Variants in LRCH4 observed in about 807,000 individuals in gnomAD.
The protein encoded by LRCH4 is leucine rich repeats and calponin homology domain containing 4, also known as leucine-rich repeat and calponin homology domain-containing protein 4.
LRCH4 carries 56 observed loss-of-function variants against 81.2 expected under a neutral mutation model. The ratio of observed to expected loss-of-function variants is 0.69; its 90% CI spans 0.56 to 0.86. The LOEUF (loss-of-function observed/expected upper bound fraction) is 0.86. LRCH4 is among the 40% of genes least tolerant of loss of function. The pLI, the probability that LRCH4 is intolerant of heterozygous loss-of-function variation, is 0.00. For missense variants in LRCH4, 895 were observed against 922.8 expected (o/e 0.97, Z 0.39); for synonymous variants, 442 against 409.7 (o/e 1.08, Z -0.95).
Position 100,578,042 on chromosome 7 carries a change from G to A in LRCH4, c.948+117C>T. ...CCCTTCCCTGGGATGCTGGGCAGAGGGAAGGAAGAGGACAGCTCCAGCCTC... is the reference window on the plus strand; with the variant it reads ...CCCTTCCCTGGGATGCTGGGCAGAGAGAAGGAAGAGGACAGCTCCAGCCTC... On this transcript the variant is annotated intron_variant, in intron 7 of 17. Coordinates refer to ENST00000310300, the MANE Select transcript of LRCH4 (RefSeq NM_002319.5). The surrounding 1 kb of genome is among the most constrained non-coding windows in gnomAD (Gnocchi z 5.7). The A allele has an allele frequency of 7.7e-7, 1 of 1,298,128 alleles. No individual in the cohort carries two copies. The highest frequency in any genetic ancestry group is 1.1e-6 in the Non-Finnish European group (1 of 910,560). 80.4% of individuals were successfully genotyped at this position (1,298,128 alleles called of 1,614,324 possible).
Position 100,582,290 on chromosome 7 carries a change from C to T in LRCH4, c.365+25G>A, listed in dbSNP as rs752698065. ...TGAGACTGAGAAGCACACGCTCCCA[C>T]GTGGCCCTGGCTCGGCCTCCCTACC... On this transcript the variant is annotated intron_variant, in intron 2 of 17. Coordinates refer to ENST00000310300, the MANE Select transcript of LRCH4 (RefSeq NM_002319.5). The surrounding 1 kb of genome is among the most constrained non-coding windows in gnomAD (Gnocchi z 5.0). 2.2e-5 allele frequency: 36 copies of T among 1,613,932 alleles called. No individual in the cohort carries two copies. Among genetic ancestry groups the T allele is most frequent in the East Asian group, 1.3e-4 (6 of 44,894 alleles).
chr7:100,582,837 A>G lies in LRCH4; in HGVS notation c.221-378T>C, dbSNP rs1156779838. Among the ~76,000 whole-genome samples the G allele has an allele frequency of 1.3e-5, 2 of 152,142 alleles. No individual in the cohort carries two copies. The highest frequency in any genetic ancestry group is 2.9e-5 in the Non-Finnish European group (2 of 68,024). On this transcript the variant is annotated intron_variant, in intron 1 of 17. Transcript: ENST00000310300. This position sits in a 1 kb window ranked among gnomAD's most constrained non-coding sequence, Gnocchi z 5.0. ...GAGGGGTCAGTGCTCATGGGAAAAC[A>G]GTAAGGCGAGGGGCTGGGGGGCTCC...
In LRCH4 at chr7:100,578,262, G is replaced by T. The variant is rs201448272; in HGVS notation, c.849-4C>A. 4.3e-4 allele frequency: 699 copies of T among 1,613,608 alleles called. 3 individuals are homozygous for T. The African/African-American group carries it at 8.2e-3, about 19-fold the overall frequency. On this transcript the variant is annotated splice_polypyrimidine_tract_variant and splice_region_variant and intron_variant, in intron 6 of 17. Transcript: ENST00000310300. This position sits in a 1 kb window ranked among gnomAD's most constrained non-coding sequence, Gnocchi z 5.7. ...CGGAAATAGATCCTCTGCAGGGCTG[G>T]GGCCAGCCAGGCGGATCTGGTCAGC...
chr7:100,584,550 G>T, intron 1 of LRCH4: 3 of 378,410 alleles, frequency 7.9e-6, no homozygotes, highest in South Asian at 1.9e-5. Context: ...AACAACCAAG[G>T]GGGAGGGGAA....
intron 15 of LRCH4, 97 bp downstream of exon 15, chr7:100,576,141 G>C: frequency 6.7e-7 from 1 of 1,487,656 alleles, no homozygotes; most frequent in Non-Finnish European, 9.2e-7. Context: ...TGCCAGAGTG[G>C]GCACAGAGGA....
Position 100,582,090 on chromosome 7 carries a change from A to G in LRCH4, c.443T>C (p.Leu148Pro). Residue 148 changes from leucine to proline, a missense_variant, in exon 3 of 18, where the codon CTG (leucine) becomes CCG (proline). By Grantham distance (98) the Leu-to-Pro change is moderately conservative. Transcript: ENST00000310300. The surrounding 1 kb of genome is among the most constrained non-coding windows in gnomAD (Gnocchi z 5.0). Reference sequence around the variant, plus strand: ...GCCGATGTCAGGGGGCAGGGCTCCCAGCTTGTTGTTGCTGACGATGAGGAC... The same window carrying G: ...GCCGATGTCAGGGGGCAGGGCTCCCGGCTTGTTGTTGCTGACGATGAGGAC... Reference protein sequence around the residue: ...LRVLIVSNNKLGALPPDIGTL... With the variant: ...LRVLIVSNNKPGALPPDIGTL... 6.2e-7 allele frequency: 1 copy of G among 1,612,114 alleles called. No individual in the cohort carries two copies. Among genetic ancestry groups the G allele is most frequent in the Non-Finnish European group, 8.5e-7 (1 of 1,179,776 alleles).
Position 100,577,827 on chromosome 7 carries a change from C to T in LRCH4, c.1034G>A (p.Gly345Asp). ...PRGPRERKED[G>D]SADGDPVQID... ...CGGCCAGCCCTGCTACTCACCTGAG[C>T]CATCCTCCTTGCGTTCTCTGGGTCC... Residue 345 changes from glycine (G) to aspartate (D), a missense_variant, in exon 8 of 18, where the codon GGC (glycine) becomes GAC (aspartate). Physicochemically the swap from Gly to Asp is moderately conservative, Grantham distance 94 (BLOSUM62 -1). This residue lies in a region of LRCH4 where 529 missense variants were observed against 504.9 expected (regional missense o/e 1.05). Transcript: ENST00000310300. This position sits in a 1 kb window ranked among gnomAD's most constrained non-coding sequence, Gnocchi z 6.7. The T allele has an allele frequency of 1.2e-6, 2 of 1,612,960 alleles. No individual in the cohort carries two copies. The highest frequency in any genetic ancestry group is 8.5e-7 in the Non-Finnish European group (1 of 1,179,050).
At position 100,582,526 on chromosome 7, in the gene LRCH4, C is replaced by G. The variant is rs1322917192; in HGVS notation, c.221-67G>C. 6.6e-6 allele frequency: 10 copies of G among 1,513,416 alleles called. No individual in the cohort carries two copies. Among genetic ancestry groups the G allele is most frequent in the South Asian group, 3.5e-5 (3 of 85,216 alleles). The allele number at this position is 1,513,416 out of a possible 1,614,324, so 93.7% of individuals were successfully genotyped here. On this transcript the variant is annotated intron_variant, in intron 1 of 17. Transcript: ENST00000310300. The surrounding 1 kb of genome is among the most constrained non-coding windows in gnomAD (Gnocchi z 5.0). ...AGCCCGGACAGGACCTTCAGTCCCC[C>G]CAGAGCCGGCTGCCCACTCCCTCAC...
At chr7:100,585,738 G>C in intron 1 of LRCH4, 143 bp downstream of exon 1, 1 of 793,760 alleles carries the variant, frequency 1.3e-6, no homozygotes, top group Non-Finnish European at 1.9e-6. Flanking sequence ...GGAGAGGATG[G>C]CTGCAGGTTT....
rs1231197430 is a variant in LRCH4, at chr7:100,577,730, G to A, written c.1050C>T (p.Asp350=). The A allele has an allele frequency of 6.2e-7, 1 of 1,614,092 alleles. No homozygotes were observed. Among genetic ancestry groups the A allele is most frequent in the South Asian group, 1.1e-5 (1 of 91,088 alleles). ...TGTCGATGAAGTCAATCTGCACAGG[G>A]TCTCCGTCCGCTGGGGAGGCCAGCA... ...ERKEDGSADG[D]PVQIDFIDSH... The change falls in exon 9 of 18, where the codon GAC becomes GAT. Residue 350 remains aspartate, a synonymous_variant. Transcript: ENST00000310300. This position sits in a 1 kb window ranked among gnomAD's most constrained non-coding sequence, Gnocchi z 6.7.
Position 100,577,556 on chromosome 7 carries a change from C to G in LRCH4, c.1119G>C (p.Glu373Asp). 6.2e-7 allele frequency: 1 copy of G among 1,611,112 alleles called. No homozygotes were observed. The highest frequency in any genetic ancestry group is 8.5e-7 in the Non-Finnish European group (1 of 1,179,956). Residue 373 changes from glutamate (E) to aspartate (D), a missense_variant and splice_region_variant, in exon 10 of 18, where the codon GAG (glutamate) becomes GAC (aspartate). This residue lies in a region of LRCH4 where 529 missense variants were observed against 504.9 expected (regional missense o/e 1.05). Coordinates refer to ENST00000310300, the MANE Select transcript of LRCH4 (RefSeq NM_002319.5). The surrounding 1 kb of genome is among the most constrained non-coding windows in gnomAD (Gnocchi z 6.7). Reference sequence around the variant, plus strand: ...CAGGGCTTAATTCGGGTGGTCGCTGCTCCTAAGGAGAGAACAGCAGAGCAG... The same window carrying G: ...CAGGGCTTAATTCGGGTGGTCGCTGGTCCTAAGGAGAGAACAGCAGAGCAG... ...GEDEERGTVE[E>D]QRPPELSPGA...
In LRCH4 at chr7:100,582,121, G is replaced by A. The variant is rs756549696; in HGVS notation, c.412C>T (p.Leu138=). ...TTGTTGCTGACGATGAGGACCCTCA[G>A]GGGCAGCTGGCAGATGTAGGGTGGC... The part of the protein sequence containing the change: ...LLPPYICQLP[L]RVLIVSNNKL... The change falls in exon 3 of 18, where the codon CTG becomes TTG. Residue 138 remains leucine (L), a synonymous_variant. Coordinates refer to ENST00000310300, the MANE Select transcript of LRCH4 (RefSeq NM_002319.5). This position sits in a 1 kb window ranked among gnomAD's most constrained non-coding sequence, Gnocchi z 5.0. The A allele has an allele frequency of 6.2e-7, 1 of 1,612,954 alleles. No homozygotes were observed. The highest frequency in any genetic ancestry group is 8.5e-7 in the Non-Finnish European group (1 of 1,179,900).
At chr7:100,576,811 C>G (rs1265504804) in intron 13 of LRCH4, 34 bp from the exon 14 acceptor site, 4 of 1,548,932 alleles carry the variant, frequency 2.6e-6, no homozygotes, top group Non-Finnish European at 3.5e-6. Flanking sequence ...GCGACAGGGG[C>G]AGGTGAGACA....
Position 100,578,391 on chromosome 7 carries a change from G to C in LRCH4, c.848+8C>G, listed in dbSNP as rs1801436616. ...CCAGGGCTTCCTTCCTCCCCACCTA[G>C]GACTTACCAGGGACTGAAACTCGGG... is the stretch of plus-strand genomic sequence containing the variant. On this transcript the variant is annotated splice_region_variant and intron_variant, in intron 6 of 17. Coordinates refer to ENST00000310300, the MANE Select transcript of LRCH4 (RefSeq NM_002319.5). The surrounding 1 kb of genome is among the most constrained non-coding windows in gnomAD (Gnocchi z 5.7). 3.7e-6 allele frequency: 6 copies of C among 1,612,906 alleles called. No individual in the cohort carries two copies. The highest frequency in any genetic ancestry group is 5.1e-6 in the Non-Finnish European group (6 of 1,179,254).
rs142740683 is a variant in LRCH4, at chr7:100,585,948, G to A, written c.153C>T (p.Asn51=). ...CCCGGGGGAAGTGCTTCAAGCGCCGGTTAGACAGGTTCAGGGTCCCGGTGG... is the reference window on the plus strand; with the variant it reads ...CCCGGGGGAAGTGCTTCAAGCGCCGATTAGACAGGTTCAGGGTCCCGGTGG... ...AVATGTLNLS[N]RRLKHFPRGA... is the part of the protein sequence containing the mutation. The change falls in exon 1 of 18, where the codon AAC becomes AAT. Residue 51 remains asparagine, a synonymous_variant. Transcript: ENST00000310300. The A allele has an allele frequency of 1.1e-4, 172 of 1,612,526 alleles. No homozygotes were observed. The highest frequency in any genetic ancestry group is 4.9e-4 in the Middle Eastern group (3 of 6,076).
chr7:100,581,701 T>C, intron 4 of LRCH4, 76 bp downstream of exon 4: 1 of 1,225,164 alleles, frequency 8.2e-7, no homozygotes, highest in Non-Finnish European at 1.2e-6. Context: ...CGGTCTGCAG[T>C]GTTTTCGTTA....
In LRCH4 at chr7:100,574,217, C is replaced by T. The variant is rs1801252399; in HGVS notation, c.*890G>A. 1 of 176,738 alleles carries T rather than the reference C, an allele frequency of 5.7e-6. No homozygotes were observed. Among genetic ancestry groups the T allele is most frequent in the Non-Finnish European group, 1.3e-5 (1 of 79,300 alleles). 10.9% of individuals were successfully genotyped at this position (176,738 alleles called of 1,614,324 possible). A position where few individuals can be genotyped will look rare whatever the true frequency, so the allele number is the denominator to read the frequency against. On this transcript the variant is annotated 3_prime_UTR_variant, in exon 18 of 18. Transcript: ENST00000310300. ...GGCGCGTCTTCTGCTCCCGGGGTCC[C>T]GGGCGGGGTGGGCCCTGTGCCCCCA...
intron 1 of LRCH4, 115 bp downstream of exon 1, chr7:100,585,766 C>T: frequency 8.8e-7 from 1 of 1,142,646 alleles, no homozygotes; most frequent in Non-Finnish European, 1.2e-6. Context: ...TCAGGAGGGG[C>T]AGCAACCCTG....
chr7:100,582,390 C>T lies in LRCH4; in HGVS notation c.290G>A (p.Ser97Asn), dbSNP rs759852946. The change falls in exon 2 of 18, where the codon AGC (serine) becomes AAC (asparagine). Residue 97 changes from serine (S) to asparagine (N), a missense_variant. By Grantham distance (46) the Ser-to-Asn change is conservative. This residue lies in a region of LRCH4 where 360 missense variants were observed against 397.0 expected (regional missense o/e 0.91). Transcript: ENST00000310300. The surrounding 1 kb of genome is among the most constrained non-coding windows in gnomAD (Gnocchi z 5.0). The stretch of plus-strand genomic sequence containing the variant: ...GCATCTCAGGCAATTGTGGTAGAGG[C>T]TCAGGCCCTCCAGGGACACCAGCTG... The part of the protein sequence containing the change: ...ACQLVSLEGL[S>N]LYHNCLRCLN... 6.2e-7 allele frequency: 1 copy of T among 1,613,980 alleles called. No homozygotes were observed. Among genetic ancestry groups the T allele is most frequent in the Non-Finnish European group, 8.5e-7 (1 of 1,180,014 alleles).
Sources: gnomAD v4.1 joint callset for allele counts (sites outside exome capture counted in the v4.1 genomes callset) on GRCh38, gnomAD v4.1.1 for gene constraint, gnomAD v4.1.1 regional missense constraint, Gnocchi (gnomAD v3.1) non-coding constraint, MANE v1.5 for transcripts, NCBI Gene and HGNC (gene_info 2026-07-23, HGNC 2026-07-21) for gene names.